The following NAV2 variants were observed in gnomAD, a reference collection of about 807,000 sequenced individuals.
The protein encoded by NAV2 is helicase, APC down-regulated 1.
Under a neutral mutation model 223.2 loss-of-function variants are expected in NAV2, and 54 were observed. That is an observed-to-expected ratio of 0.24 (90% CI 0.19 to 0.30). NAV2 has a LOEUF of 0.30. Ranked by LOEUF, NAV2 falls within the 10% of genes least tolerant of loss-of-function variation. The pLI is 1.00. For missense variants in NAV2, 2,806 were observed against 3,147.5 expected (o/e 0.89, Z 2.60); for synonymous variants, 1,279 against 1,239.3 (o/e 1.03, Z -0.67).
At chr11:19,725,461 T>C (rs7105359) in intron 1 of NAV2, among the ~76,000 whole-genome samples, 88,447 of 152,130 alleles carry the variant, frequency 0.58, 27,573 homozygotes, top group African/African-American at 0.82. Context: ...AAAGACTTGC[T>C]GTCTAAAGTA....
At chr11:19,400,252 C>T (rs1849627654) in intron 1 of NAV2, among the ~76,000 whole-genome samples, 1 of 152,138 alleles carries the variant, frequency 6.6e-6, no homozygotes, top group Admixed American at 6.5e-5. Flanking sequence ...TAAGGAGTCA[C>T]AAGGAAGAGG....
intron 22 of NAV2, among the ~76,000 whole-genome samples, chr11:20,077,087 A>G (rs2059803854): frequency 6.6e-6 from 1 of 152,200 alleles, no homozygotes; most frequent in African/African-American, 2.4e-5. Flanking sequence ...CTTGGTGAAC[A>G]GAAGATCATC....
At chr11:19,385,446 T>C (rs1438613569) in intron 1 of NAV2, among the ~76,000 whole-genome samples, 3 of 152,260 alleles carry the variant, frequency 2.0e-5, no homozygotes, top group Non-Finnish European at 4.4e-5. Context: ...ATATAGCTAG[T>C]GCTATTTATC....
At chr11:20,102,088 G>C (rs1195153735) in intron 32 of NAV2, among the ~76,000 whole-genome samples, 1 of 152,176 alleles carries the variant, frequency 6.6e-6, no homozygotes, top group Non-Finnish European at 1.5e-5. Flanking sequence ...CAGGACAAGA[G>C]AGAAGTACCC....
Position 20,105,594 on chromosome 11 carries a change from G to C in NAV2, c.6708G>C (p.Arg2236Ser). The change falls in exon 35 of 38, where the codon AGG becomes AGC. Residue 2236 changes from arginine to serine, a missense_variant. Physicochemically the swap from Arg to Ser is moderately radical, Grantham distance 110. Transcript: ENST00000349880. Reference protein sequence around the residue: ...VKGFLGRFLRRKLMETEISGR... With the variant: ...VKGFLGRFLRSKLMETEISGR... ...GTTTCCTTGGCCGATTCCTGAGGAG[G>C]AAGCTCATGGAAACAGAGATCAGTG... The C allele has an allele frequency of 6.2e-7, 1 of 1,614,132 alleles. No homozygotes were observed. The highest frequency in any genetic ancestry group is 8.5e-7 in the Non-Finnish European group (1 of 1,180,010).
rs142219427 is a variant in NAV2, at chr11:19,417,928, A to G, written c.75+66901A>G. Among the ~76,000 whole-genome samples the G allele has an allele frequency of 4.7e-3, 723 of 152,240 alleles. 15 individuals carry two copies. Among genetic ancestry groups the G allele is most frequent in the Non-Finnish European group, 2.9e-3 (196 of 68,020 alleles). On this transcript the variant is annotated intron_variant, in intron 1 of 37. Coordinates refer to the NAV2 transcript ENST00000360655. ...AGTGGGAGTCGAAAAACGAGAACAC[A>G]TGGACCTGGGGAGGGGAATATCACA...
Position 19,897,886 on chromosome 11 carries a change from T to TATATATATATA in NAV2, c.931+5292_931+5293insATATATATATA, listed in dbSNP as rs1555129987. ...GCCACAGCTGTGCCTGACCTGTGAT[T>TATATATATATA]TATATATATATATATATATGTGAGC... On this transcript the variant is annotated intron_variant, in intron 6 of 37. Transcript: ENST00000349880. Among the ~76,000 whole-genome samples, 26 of 120,672 alleles carry TATATATATATA rather than the reference T, an allele frequency of 2.2e-4. 1 individual carries two copies. The highest frequency in any genetic ancestry group is 1.9e-3 in the South Asian group (6 of 3,158). The allele number at this position is 120,672 out of a possible 152,430, so 79.2% of individuals were successfully genotyped here.
At chr11:20,112,948 G>A (rs1399683393) in intron 36 of NAV2, among the ~76,000 whole-genome samples, 1 of 152,206 alleles carries the variant, frequency 6.6e-6, no homozygotes, top group East Asian at 1.9e-4. Context: ...GGGAGGGCAG[G>A]GAGAGCAGAC....
At chr11:19,415,825 C>G (rs1268764791) in intron 1 of NAV2, among the ~76,000 whole-genome samples, 3 of 152,180 alleles carry the variant, frequency 2.0e-5, no homozygotes, top group Admixed American at 1.3e-4. Context: ...ATTACATAAA[C>G]AGAACCAATG....
Position 20,097,693 on chromosome 11 carries a change from T to A in NAV2, c.6129T>A (p.Leu2043=). The A allele has an allele frequency of 6.2e-7, 1 of 1,612,526 alleles. No homozygotes were observed. The highest frequency in any genetic ancestry group is 8.5e-7 in the Non-Finnish European group (1 of 1,179,644). ...ACACTTCCGAAACACCGGAGCTGCTTCCTTGTGGCTATCTGGTTGGAGAGA... is the reference window on the plus strand; with the variant it reads ...ACACTTCCGAAACACCGGAGCTGCTACCTTGTGGCTATCTGGTTGGAGAGA... ...RSNTSETPEL[L]PCGYLVGENT... is the part of the protein sequence containing the mutation. The change falls in exon 31 of 38, where the codon CTT becomes CTA. Residue 2043 remains leucine, a synonymous_variant. Transcript: ENST00000349880.
chr11:19,542,793 C>G (rs1459997543), intron 1 of NAV2, among the ~76,000 whole-genome samples: 1 of 152,190 alleles, frequency 6.6e-6, no homozygotes, highest in African/African-American at 2.4e-5. Flanking sequence ...GGAAGTTTGT[C>G]AAAGGTCTTG....
intron 36 of NAV2, 25 bp from the exon 37 acceptor site, chr11:20,114,567 C>G: frequency 1.9e-6 from 3 of 1,612,060 alleles, no homozygotes; most frequent in African/African-American, 1.3e-5. Context: ...CACTTCCAGA[C>G]TGTTCCTTCT....
intron 1 of NAV2, among the ~76,000 whole-genome samples, chr11:19,504,738 G>A (rs1036159274): frequency 2.0e-5 from 3 of 152,198 alleles, no homozygotes; most frequent in Non-Finnish European, 4.4e-5. Flanking sequence ...GGGGTCTGGG[G>A]CTGAAGCAAA....
rs146572696 is a variant in NAV2, at chr11:19,878,196, G to T, written c.512-1673G>T. 2.2e-3 allele frequency among the ~76,000 whole-genome samples: 341 copies of T among 152,250 alleles called. 1 individual carries two copies. The highest frequency in any genetic ancestry group is 3.5e-3 in the Admixed American group (53 of 15,288). ...ATAATTAAGAGCTCCCCACTCCCTG[G>T]CTTTCATTCTCAGAAGCGTCATAGT... On this transcript the variant is annotated intron_variant, in intron 4 of 37. Transcript: ENST00000349880.
intron 1 of NAV2, among the ~76,000 whole-genome samples, chr11:19,792,249 A>G (rs2057573315): frequency 6.6e-6 from 1 of 152,166 alleles, no homozygotes; most frequent in Non-Finnish European, 1.5e-5. Context: ...CCTTCCTGTC[A>G]TGGGTCCCTT....
intron 20 of NAV2, among the ~76,000 whole-genome samples, chr11:20,063,982 T>C (rs2058876942): frequency 6.6e-6 from 1 of 152,198 alleles, no homozygotes; most frequent in African/African-American, 2.4e-5. Context: ...TAGAAACCCT[T>C]GCTTCTACCC....
intron 10 of NAV2, among the ~76,000 whole-genome samples, chr11:19,982,243 T>C (rs2050360279): frequency 2.9e-4 from 1 of 3,498 alleles, no homozygotes; most frequent in South Asian, 0.05. Context: ...GGGTTTTCTT[T>C]TTTGTTTTGT....
chr11:20,028,788 T>G (rs530426169), intron 11 of NAV2, among the ~76,000 whole-genome samples: 4 of 152,268 alleles, frequency 2.6e-5, no homozygotes, highest in African/African-American at 9.6e-5. Flanking sequence ...AGTGGTGGCT[T>G]TAAGTATTAG....
intron 1 of NAV2, among the ~76,000 whole-genome samples, chr11:19,479,091 G>C (rs542816452): frequency 1.9e-4 from 29 of 152,220 alleles, no homozygotes; most frequent in Middle Eastern, 3.4e-3. Context: ...TGTGAGTTGA[G>C]CTGCAGTTCA....
Sources: allele counts gnomAD v4.1 joint callset (sites outside exome capture counted in the v4.1 genomes callset), GRCh38; gene constraint gnomAD v4.1.1; transcripts MANE v1.5; gene names NCBI Gene and HGNC (gene_info 2026-07-23, HGNC 2026-07-21).